Variants in SPTBN1 observed in about 807,000 individuals in gnomAD.
The protein encoded by SPTBN1 is spectrin beta chain, non-erythrocytic 1.
SPTBN1 carries 32 observed loss-of-function variants against 266.4 expected under a neutral mutation model. The ratio of observed to expected loss-of-function variants is 0.12; its 90% confidence interval spans 0.09 to 0.16. The LOEUF is 0.16. SPTBN1 is among the 10% of genes least tolerant of loss of function. SPTBN1 has a pLI of 1.00. For synonymous variants in SPTBN1, 1,336 were observed against 1,162.2 expected, an observed-to-expected ratio of 1.15 and a Z score of -3.04; for missense variants, 2,296 against 3,067.1, an observed-to-expected ratio of 0.75 and a Z score of 5.94.
chr2:54,566,628 C>G (rs938058334), intron 2 of SPTBN1, among the ~76,000 whole-genome samples: 8 of 151,976 alleles, frequency 5.3e-5, no homozygotes, highest in East Asian at 1.9e-4. Context: ...GTCAGGAGTT[C>G]GAGACCAGCC....
At position 54,531,346 on chromosome 2, in the gene SPTBN1, T is replaced by C. The variant is rs578093617; in HGVS notation, c.148+4780T>C. Among the ~76,000 whole-genome samples, 5 of 152,274 alleles carry C rather than the reference T, an allele frequency of 3.3e-5. 1 individual carries two copies. In the East Asian group the frequency reaches 9.7e-4, roughly 29 times the overall value. ...TTGAATTGAATTGTAGCATACCCAGTTGGTACTGGGGAATCAGACTACTAA... is the reference window on the plus strand; with the variant it reads ...TTGAATTGAATTGTAGCATACCCAGCTGGTACTGGGGAATCAGACTACTAA... On this transcript the variant is annotated intron_variant, in intron 2 of 35. Transcript: ENST00000356805.
chr2:54,483,661 G>C (rs1368975860), intron 1 of SPTBN1, among the ~76,000 whole-genome samples: 1 of 152,148 alleles, frequency 6.6e-6, no homozygotes, highest in Non-Finnish European at 1.5e-5. Flanking sequence ...AAGTGTTCCT[G>C]GGCACAGGAA....
chr2:54,614,193 A>G (rs1279048152), intron 4 of SPTBN1, among the ~76,000 whole-genome samples: 1 of 152,172 alleles, frequency 6.6e-6, no homozygotes, highest in Non-Finnish European at 1.5e-5. Context: ...CAGCTTTATT[A>G]AAACATTACC....
At position 54,649,183 on chromosome 2, in the gene SPTBN1, A is replaced by ATGTCACGGCAAGTACTT; in HGVS notation, c.5196_5202+10dup. ...CATGAACTGGGACAGGACTATGAGCATGTCACGGCAAGTACTTGAGGCAGT... is the reference window on the plus strand; with the variant it reads ...CATGAACTGGGACAGGACTATGAGCATGTCACGGCAAGTACTTTGTCACGGCAAGTACTTGAGGCAGT... On this transcript the variant is annotated frameshift_variant, in exon 25 of 36. Transcript: ENST00000356805. LOFTEE classifies it high-confidence loss of function. This position sits in a 1 kb window ranked among gnomAD's most constrained non-coding sequence, Gnocchi z 6.7. 6.3e-7 allele frequency: 1 copy of ATGTCACGGCAAGTACTT among 1,596,864 alleles called. No homozygotes were observed. The highest frequency in any genetic ancestry group is 8.6e-7 in the Non-Finnish European group (1 of 1,166,834).
chr2:54,544,436 C>T (rs1296845179), intron 2 of SPTBN1, among the ~76,000 whole-genome samples: 1 of 152,116 alleles, frequency 6.6e-6, no homozygotes, highest in African/African-American at 2.4e-5. Context: ...TTTGTGATGT[C>T]AGAGTGGTTA....
Position 54,628,806 on chromosome 2 carries a change from C to G in SPTBN1, c.1799-127C>G, listed in dbSNP as rs1038178274. 13 of 1,263,996 alleles carry G rather than the reference C, an allele frequency of 1.0e-5. No homozygotes were observed. The highest frequency in any genetic ancestry group is 1.4e-5 in the Non-Finnish European group (13 of 927,302). The allele number at this position is 1,263,996 out of a possible 1,614,324, so 78.3% of individuals were successfully genotyped here. A position where few individuals can be genotyped will look rare whatever the true frequency, so the allele number is the denominator to read the frequency against. ...TGCTCCATTGCCTTATCGCATGGCC[C>G]TGCATTTACATTTAGCAGTGAGCTG... is the stretch of plus-strand genomic sequence containing the variant. On this transcript the variant is annotated intron_variant, in intron 13 of 35. Coordinates refer to ENST00000356805, the MANE Select transcript of SPTBN1 (RefSeq NM_003128.3). This position sits in a 1 kb window ranked among gnomAD's most constrained non-coding sequence, Gnocchi z 4.3.
intron 1 of SPTBN1, among the ~76,000 whole-genome samples, chr2:54,460,602 G>A (rs893666577): frequency 6.6e-6 from 1 of 152,186 alleles, no homozygotes; most frequent in African/African-American, 2.4e-5. Flanking sequence ...TCTGTCATCT[G>A]ATATAGTCAA....
chr2:54,460,476 T>C (rs139556170), intron 1 of SPTBN1, among the ~76,000 whole-genome samples: 3 of 152,316 alleles, frequency 2.0e-5, no homozygotes, highest in East Asian at 3.9e-4. Flanking sequence ...TGAAAAACAG[T>C]CTTTTTCCCC....
At chr2:54,542,746 A>G (rs927524738) in intron 2 of SPTBN1, among the ~76,000 whole-genome samples, 3 of 152,156 alleles carry the variant, frequency 2.0e-5, no homozygotes, top group Admixed American at 2.0e-4. Flanking sequence ...GGCCTTTTCA[A>G]CTGTTGAATT....
rs1347702041 is a variant in SPTBN1, at chr2:54,603,535, G to A, written c.300+4292G>A. 3.3e-5 allele frequency among the ~76,000 whole-genome samples: 5 copies of A among 152,258 alleles called. 1 individual carries two copies. The highest frequency in any genetic ancestry group is 3.9e-4 in the East Asian group (2 of 5,180). On this transcript the variant is annotated intron_variant, in intron 3 of 35. Coordinates refer to ENST00000356805, the MANE Select transcript of SPTBN1 (RefSeq NM_003128.3). ...CAGCCCACCCTGCTGACTCTTCAGCGCCTCCTTTCCCATGGAGCCCTTAGG... is the reference window on the plus strand; with the variant it reads ...CAGCCCACCCTGCTGACTCTTCAGCACCTCCTTTCCCATGGAGCCCTTAGG...
chr2:54,471,026 G>T (rs528205487), intron 1 of SPTBN1, among the ~76,000 whole-genome samples: 2 of 152,140 alleles, frequency 1.3e-5, no homozygotes, highest in South Asian at 2.1e-4. Context: ...TCTTCTTCCA[G>T]TGTGGCCCAG....
intron 2 of SPTBN1, among the ~76,000 whole-genome samples, chr2:54,553,696 C>T (rs1051607758): frequency 2.6e-5 from 4 of 152,154 alleles, no homozygotes; most frequent in South Asian, 4.1e-4. Context: ...TCCCAGCTCT[C>T]GGATTGGTTT....
chr2:54,638,204 A>T (rs1044420150), intron 18 of SPTBN1, among the ~76,000 whole-genome samples: 1 of 152,228 alleles, frequency 6.6e-6, no homozygotes. Flanking sequence ...GACAACACAG[A>T]TATAGAACAT....
rs1393956017 is a variant in SPTBN1 at position 54,644,735 on chromosome 2, G to A, written c.4269+149G>A. On this transcript the variant is annotated intron_variant, in intron 20 of 35. Coordinates refer to ENST00000356805, the MANE Select transcript of SPTBN1 (RefSeq NM_003128.3). Reference sequence around the variant, plus strand: ...AAATATTACTTGCTCTAACAGCATCGTAGAACATTTCCAGAATAGAAAGAC... The same window carrying A: ...AAATATTACTTGCTCTAACAGCATCATAGAACATTTCCAGAATAGAAAGAC... 7 of 1,049,970 alleles carry A rather than the reference G, an allele frequency of 6.7e-6. 1 individual carries two copies. The highest frequency in any genetic ancestry group is 3.2e-4 in the Middle Eastern group (1 of 3,170). The allele number at this position is 1,049,970 out of a possible 1,614,324, so 65.0% of individuals were successfully genotyped here. A position where few individuals can be genotyped will look rare whatever the true frequency, so the allele number is the denominator to read the frequency against.
chr2:54,582,112 G>T (rs1674956993), intron 2 of SPTBN1, among the ~76,000 whole-genome samples: 1 of 152,198 alleles, frequency 6.6e-6, no homozygotes, highest in South Asian at 2.1e-4. Flanking sequence ...TGACACTGAT[G>T]CTTTTTAAAA....
chr2:54,575,221 T>A (rs1674378058), intron 2 of SPTBN1, among the ~76,000 whole-genome samples: 1 of 152,234 alleles, frequency 6.6e-6, no homozygotes, highest in South Asian at 2.1e-4. Context: ...TTCAGCCACA[T>A]TCACAGGTGT....
intron 1 of SPTBN1, among the ~76,000 whole-genome samples, chr2:54,524,527 C>A (rs1011344505): frequency 6.6e-6 from 1 of 152,206 alleles, no homozygotes; most frequent in Non-Finnish European, 1.5e-5. Context: ...TAACCATCCC[C>A]GCTTCTCCAC....
At chr2:54,600,609 T>C (rs1297257291) in intron 3 of SPTBN1, among the ~76,000 whole-genome samples, 5 of 152,198 alleles carry the variant, frequency 3.3e-5, no homozygotes, top group Non-Finnish European at 7.3e-5. Context: ...ACTAGAATTA[T>C]TGTGATATGC....
intron 2 of SPTBN1, among the ~76,000 whole-genome samples, chr2:54,590,385 G>A (rs1469024232): frequency 2.0e-5 from 3 of 152,190 alleles, no homozygotes; most frequent in African/African-American, 7.2e-5. Context: ...GAACCTAGTT[G>A]TTGGACACTG....
Sources: allele counts gnomAD v4.1 joint callset (sites outside exome capture counted in the v4.1 genomes callset), GRCh38; gene constraint gnomAD v4.1.1; non-coding constraint Gnocchi (gnomAD v3.1); transcripts MANE v1.5; gene names NCBI Gene and HGNC (gene_info 2026-07-23, HGNC 2026-07-21).